Variants in SV2B observed in about 807,000 individuals in gnomAD.
The protein encoded by SV2B is synaptic vesicle glycoprotein 2B.
Under a neutral mutation model 73.9 loss-of-function variants are expected in SV2B, and 41 were observed. The ratio of observed to expected loss-of-function variants is 0.56; its 90% CI spans 0.43 to 0.72. The LOEUF is 0.72. Among genes scored for constraint, SV2B ranks in the 30% least tolerant of loss-of-function variants. SV2B has a pLI of 0.00. For missense variants in SV2B, 764 were observed against 857.8 expected, an observed-to-expected ratio of 0.89 and a Z score of 1.37; for synonymous variants, 314 against 314.2, an observed-to-expected ratio of 1.00 and a Z score of 0.01.
Position 91,296,804 on chromosome 15 carries a change from C to T in SV2B, c.*4252C>T, listed in dbSNP as rs2049255928. On this transcript the variant is annotated 3_prime_UTR_variant, in exon 13 of 13. Coordinates refer to ENST00000394232, the MANE Select transcript of SV2B (RefSeq NM_001323032.3). ...CTTCTGCCCAATCATTGGGCTCACG[C>T]TCCTTCTGCCCGATCGCTGGGCTCA... The T allele has an allele frequency of 1.3e-5, 2 of 152,504 alleles. No individual in the cohort carries two copies. The highest frequency in any genetic ancestry group is 3.7e-3 in the Middle Eastern group (1 of 272). The allele number at this position is 152,504 out of a possible 1,614,324, so 9.4% of individuals were successfully genotyped here.
chr15:91,282,749 G>A (rs767608600), intron 10 of SV2B, among the ~76,000 whole-genome samples: 9 of 152,168 alleles, frequency 5.9e-5, no homozygotes, highest in Non-Finnish European at 1.2e-4. Flanking sequence ...GCAAGGGATA[G>A]TTTATATAAG....
intron 1 of SV2B, among the ~76,000 whole-genome samples, chr15:91,190,830 A>G (rs1487231822): frequency 3.3e-5 from 5 of 152,094 alleles, no homozygotes; most frequent in Admixed American, 2.0e-4. Context: ...AAATATTACA[A>G]TCTCCAGCTA....
intron 9 of SV2B, among the ~76,000 whole-genome samples, chr15:91,273,084 C>T (rs140458986): frequency 0.014 from 2,083 of 152,180 alleles, 40 homozygotes; most frequent in African/African-American, 0.047. Flanking sequence ...CCGCCCCCCT[C>T]GGCCTCCCAA....
intron 2 of SV2B, among the ~76,000 whole-genome samples, chr15:91,248,369 C>G (rs186189160): frequency 8.2e-4 from 125 of 152,250 alleles, no homozygotes; most frequent in African/African-American, 2.2e-3. Context: ...GTAGTTTAAT[C>G]AAACATTTGT....
At position 91,284,002 on chromosome 15, in the gene SV2B, G is replaced by A. The variant is rs1218831399; in HGVS notation, c.1508-19G>A. 2.5e-6 allele frequency: 4 copies of A among 1,613,742 alleles called. No homozygotes were observed. The highest frequency in any genetic ancestry group is 1.1e-5 in the South Asian group (1 of 91,058). ...CTCCCTTCCACTTACATGAACCGAA[G>A]GTTTCCTTCTCTCCCCAGACCTCTA... On this transcript the variant is annotated intron_variant, in intron 10 of 12. Transcript: ENST00000394232. This position sits in a 1 kb window ranked among gnomAD's most constrained non-coding sequence, Gnocchi z 4.5.
chr15:91,257,644 C>G (rs539354195), intron 4 of SV2B, among the ~76,000 whole-genome samples: 1 of 152,192 alleles, frequency 6.6e-6, no homozygotes, highest in Non-Finnish European at 1.5e-5. Context: ...ACCCTTTGCG[C>G]TGGAATCACC....
At chr15:91,154,976 G>C (rs190242154) in intron 1 of SV2B, among the ~76,000 whole-genome samples, 1 of 152,092 alleles carries the variant, frequency 6.6e-6, no homozygotes, top group African/African-American at 2.4e-5. Flanking sequence ...CTCAGTAAAC[G>C]AGTGGACTGA....
In SV2B at chr15:91,121,034, G is replaced by A. The variant is rs935571005; in HGVS notation, c.-392+20671G>A. On this transcript the variant is annotated intron_variant, in intron 1 of 12. Coordinates refer to ENST00000394232, the MANE Select transcript of SV2B (RefSeq NM_001323032.3). The surrounding 1 kb of genome is among the most constrained non-coding windows in gnomAD (Gnocchi z 4.4). Reference sequence around the variant, plus strand: ...CTGCAGTCTATACAGTCATCCCCTCGCTTAAGATTTTTGCAAATTGTTTCC... The same window carrying A: ...CTGCAGTCTATACAGTCATCCCCTCACTTAAGATTTTTGCAAATTGTTTCC... Among the ~76,000 whole-genome samples, 4 of 152,080 alleles carry A rather than the reference G, an allele frequency of 2.6e-5. No individual in the cohort carries two copies. Among genetic ancestry groups the A allele is most frequent in the Middle Eastern group, 3.4e-3 (1 of 294 alleles).
intron 9 of SV2B, among the ~76,000 whole-genome samples, chr15:91,269,223 A>G (rs6496780): frequency 0.36 from 54,955 of 151,956 alleles, 10,966 homozygotes; most frequent in African/African-American, 0.51. Flanking sequence ...GAGATGGGCC[A>G]TCCGCCCTGT....
chr15:91,254,231 C>CTTTTTTTTTTTTTTTTTTTTTTTTTTT (rs1206575033), intron 4 of SV2B, among the ~76,000 whole-genome samples: 1 of 131,836 alleles, frequency 7.6e-6, no homozygotes, highest in African/African-American at 3.2e-5. Flanking sequence ...ATTATTTTCA[C>CTTTTTTTTTTTTTTTTTTTTTTTTTTT]TTCTTTTTTT....
intron 1 of SV2B, among the ~76,000 whole-genome samples, chr15:91,169,519 C>G (rs770091179): frequency 6.6e-6 from 1 of 151,046 alleles, no homozygotes; most frequent in Non-Finnish European, 1.5e-5. Flanking sequence ...GCTAGGAGAC[C>G]CTTTCACAGG....
chr15:91,286,645 A>C (rs969842252), intron 11 of SV2B, among the ~76,000 whole-genome samples: 17 of 152,196 alleles, frequency 1.1e-4, no homozygotes, highest in Admixed American at 3.9e-4. Context: ...AATATTATGA[A>C]TATTGAACAT....
At chr15:91,190,950 C>T (rs1256760026) in intron 1 of SV2B, among the ~76,000 whole-genome samples, 1 of 149,784 alleles carries the variant, frequency 6.7e-6, no homozygotes, top group Non-Finnish European at 1.5e-5. Flanking sequence ...GTTTCTTGAT[C>T]TAGTGTTTTG....
intron 1 of SV2B, among the ~76,000 whole-genome samples, chr15:91,180,838 A>G (rs2044523509): frequency 6.6e-6 from 1 of 152,122 alleles, no homozygotes; most frequent in Admixed American, 6.5e-5. Flanking sequence ...TTTGGTTTGA[A>G]TTTCCTCCTG....
chr15:91,221,693 G>GCGCGCGCGCGCACACACACACACACA (rs370290337), intron 1 of SV2B, among the ~76,000 whole-genome samples: 12 of 140,156 alleles, frequency 8.6e-5, no homozygotes, highest in African/African-American at 3.4e-4. Flanking sequence ...AAGCATGTGC[G>GCGCGCGCGCGCACACACACACACACA]CACACACACA....
intron 1 of SV2B, among the ~76,000 whole-genome samples, chr15:91,116,888 G>A (rs548539114): frequency 5.3e-5 from 8 of 152,336 alleles, no homozygotes; most frequent in Admixed American, 5.2e-4. Context: ...GAGACCATGT[G>A]CAGGGGAACT....
In SV2B at chr15:91,124,382, A is replaced by G. The variant is rs2042419942; in HGVS notation, c.-392+24019A>G. On this transcript the variant is annotated intron_variant, in intron 1 of 12. Transcript: ENST00000394232. This position sits in a 1 kb window ranked among gnomAD's most constrained non-coding sequence, Gnocchi z 4.6. ...GCTAATGGCACCTCCTTCCTCAGGA[A>G]GTGAGACACCTGCAACCGAGTGTGA... 6.6e-6 allele frequency among the ~76,000 whole-genome samples: 1 copy of G among 152,130 alleles called. No homozygotes were observed. The highest frequency in any genetic ancestry group is 1.5e-5 in the Non-Finnish European group (1 of 68,014).
chr15:91,248,409 C>T (rs2078875), intron 2 of SV2B, among the ~76,000 whole-genome samples: 36,502 of 152,164 alleles, frequency 0.24, 4,620 homozygotes, highest in African/African-American at 0.29. Flanking sequence ...ATCTGCATAT[C>T]TTCTTCCTTG....
chr15:91,143,765 C>T (rs183180340), intron 1 of SV2B, among the ~76,000 whole-genome samples: 3 of 152,250 alleles, frequency 2.0e-5, no homozygotes, highest in African/African-American at 7.2e-5. Flanking sequence ...GAAATAACTC[C>T]AAGAACAGTT....
Sources: gnomAD v4.1 joint callset for allele counts (sites outside exome capture counted in the v4.1 genomes callset) on GRCh38, gnomAD v4.1.1 for gene constraint, Gnocchi (gnomAD v3.1) non-coding constraint, MANE v1.5 for transcripts, NCBI Gene and HGNC (gene_info 2026-07-23, HGNC 2026-07-21) for gene names.